COP1: variants seen among roughly 807,000 people sequenced by gnomAD.
COP1 encodes E3 ubiquitin-protein ligase COP1.
A neutral mutation model predicts 101.3 loss-of-function variants in COP1; 24 were observed. The observed-to-expected ratio is 0.24, with a 90% CI of 0.17 to 0.33. The LOEUF (loss-of-function observed/expected upper bound fraction) is 0.33, where lower values mean the gene tolerates loss of function less well. Ranked by LOEUF, COP1 falls within the 10% of genes least tolerant of loss-of-function variation. The pLI, the probability that COP1 is intolerant of heterozygous loss-of-function variation, is 1.00. For synonymous variants in COP1, 347 were observed against 341.9 expected (o/e 1.01, Z -0.17); for missense variants, 663 against 906.2 (o/e 0.73, Z 3.45).
intron 14 of COP1, among the ~76,000 whole-genome samples, chr1:176,040,982 T>A (rs1670419560): frequency 6.6e-6 from 1 of 151,812 alleles, no homozygotes; most frequent in Non-Finnish European, 1.5e-5. Flanking sequence ...AACAGCACAT[T>A]AAGGAAAAAC....
intron 15 of COP1, among the ~76,000 whole-genome samples, chr1:176,021,155 A>G (rs1267004774): frequency 1.3e-5 from 2 of 152,176 alleles, no homozygotes; most frequent in African/African-American, 4.8e-5. Context: ...GCCAGGAATC[A>G]GTTTCTATGA....
chr1:175,993,789 G>T (rs910297011), intron 15 of COP1, among the ~76,000 whole-genome samples: 28 of 152,272 alleles, frequency 1.8e-4, no homozygotes, highest in African/African-American at 6.0e-4. Context: ...GAAAGTGATG[G>T]GGAGAATGGA....
At chr1:175,977,844 CA>C (rs1654945155) in intron 18 of COP1, among the ~76,000 whole-genome samples, 1 of 151,792 alleles carries the variant, frequency 6.6e-6, no homozygotes, top group African/African-American at 2.4e-5. Context: ...AATGTTTTTC[CA>C]TTACATACAC....
chr1:176,158,878 C>A (rs1394070022), intron 5 of COP1, among the ~76,000 whole-genome samples: 1 of 151,924 alleles, frequency 6.6e-6, no homozygotes, highest in Non-Finnish European at 1.5e-5. Context: ...TGAGCTCAGG[C>A]AATCCACCCA....
chr1:176,052,517 T>C (rs1672744445), intron 11 of COP1, among the ~76,000 whole-genome samples: 1 of 152,208 alleles, frequency 6.6e-6, no homozygotes. Flanking sequence ...GCTCTATTCA[T>C]ATAATTCTCC....
intron 18 of COP1, among the ~76,000 whole-genome samples, chr1:175,962,018 T>C (rs899664108): frequency 1.3e-5 from 2 of 152,180 alleles, no homozygotes; most frequent in South Asian, 2.1e-4. Flanking sequence ...AACTGTAGCA[T>C]ACCAGGGTTA....
intron 18 of COP1, among the ~76,000 whole-genome samples, chr1:175,967,857 GAAT>G (rs2148578390): frequency 6.6e-6 from 1 of 152,118 alleles, no homozygotes; most frequent in South Asian, 2.1e-4. Flanking sequence ...CCCCTTAGAA[GAAT>G]AATATTTCTT....
At chr1:175,947,478 C>A (rs1325462542) in intron 18 of COP1, among the ~76,000 whole-genome samples, 2 of 150,870 alleles carry the variant, frequency 1.3e-5, no homozygotes, top group Non-Finnish European at 2.9e-5. Flanking sequence ...TCAAGCGATT[C>A]TCCTGCCTCA....
chr1:176,017,807 G>A (rs771058242), intron 15 of COP1, among the ~76,000 whole-genome samples: 1 of 152,184 alleles, frequency 6.6e-6, no homozygotes, highest in African/African-American at 2.4e-5. Context: ...TTAGAGGTGT[G>A]AGCCACTGTG....
intron 11 of COP1, among the ~76,000 whole-genome samples, chr1:176,077,477 G>C (rs1236015425): frequency 2.0e-5 from 3 of 151,994 alleles, no homozygotes; most frequent in Non-Finnish European, 4.4e-5. Context: ...ACCCTTAACA[G>C]ACTAGGAATC....
chr1:176,104,884 C>T (rs970523731), intron 9 of COP1, among the ~76,000 whole-genome samples: 1 of 152,086 alleles, frequency 6.6e-6, no homozygotes, highest in Non-Finnish European at 1.5e-5. Context: ...ATGGAAACTG[C>T]GTACTTGTCA....
At chr1:175,946,256 CAG>C (rs1649156383) in intron 19 of COP1, among the ~76,000 whole-genome samples, 1 of 152,158 alleles carries the variant, frequency 6.6e-6, no homozygotes, top group African/African-American at 2.4e-5. Flanking sequence ...GCTTTTCAAA[CAG>C]AGAAACTGGC....
At chr1:176,195,898 G>C (rs541047988) in intron 1 of COP1, among the ~76,000 whole-genome samples, 2 of 152,150 alleles carry the variant, frequency 1.3e-5, no homozygotes, top group Non-Finnish European at 2.9e-5. Flanking sequence ...GGGGACGGAG[G>C]GGGTTAGGAG....
intron 6 of COP1, among the ~76,000 whole-genome samples, chr1:176,139,979 A>G (rs1690421030): frequency 6.6e-6 from 1 of 152,180 alleles, no homozygotes; most frequent in South Asian, 2.1e-4. Context: ...AAGAAAGTAA[A>G]TATCTGTAAT....
chr1:176,090,655 A>G (rs1681106754), intron 9 of COP1, among the ~76,000 whole-genome samples: 1 of 152,226 alleles, frequency 6.6e-6, no homozygotes, highest in South Asian at 2.1e-4. Flanking sequence ...GCAAGTAGGG[A>G]AACTGAAAAC....
At chr1:176,088,482 G>T (rs1015922229) in intron 9 of COP1, among the ~76,000 whole-genome samples, 1 of 152,008 alleles carries the variant, frequency 6.6e-6, no homozygotes, top group Non-Finnish European at 1.5e-5. Context: ...TGTTCATCTC[G>T]GTATTGTGGG....
rs867741666 is a variant in COP1, at chr1:176,171,297, G to A, written c.565+4613C>T. ...GTACTTCTATGTTATGGAGATGGCTGTTTTCCTTAAATCTCTTGAACCAAC... is the reference window on the plus strand; with the variant it reads ...GTACTTCTATGTTATGGAGATGGCTATTTTCCTTAAATCTCTTGAACCAAC... On this transcript the variant is annotated intron_variant, in intron 3 of 19. Coordinates refer to ENST00000367669, the MANE Select transcript of COP1 (RefSeq NM_022457.7). 3.9e-5 allele frequency among the ~76,000 whole-genome samples: 6 copies of A among 152,172 alleles called. No individual in the cohort carries two copies. The South Asian group carries it at 1.2e-3, about 32-fold the overall frequency.
At chr1:176,016,301 C>G (rs925882244) in intron 15 of COP1, among the ~76,000 whole-genome samples, 1 of 151,932 alleles carries the variant, frequency 6.6e-6, no homozygotes, top group Admixed American at 6.6e-5. Flanking sequence ...GAAAAGACAA[C>G]TGAGAACTAT....
chr1:176,186,591 A>G (rs1698472290), intron 1 of COP1, among the ~76,000 whole-genome samples: 1 of 152,188 alleles, frequency 6.6e-6, no homozygotes, highest in South Asian at 2.1e-4. Flanking sequence ...GAATGTGTTA[A>G]AGACTTCGGC....
Sources: allele counts gnomAD v4.1 joint callset (sites outside exome capture counted in the v4.1 genomes callset), GRCh38; gene constraint gnomAD v4.1.1; transcripts MANE v1.5; gene names NCBI Gene and HGNC (gene_info 2026-07-23, HGNC 2026-07-21).